The following DYM variants were observed in gnomAD, a reference collection of about 807,000 sequenced individuals.
The protein encoded by DYM is dymeclin.
Under a neutral mutation model 93.1 loss-of-function variants are expected in DYM, and 78 were observed. The ratio of observed to expected loss-of-function variants is 0.84; its 90% CI spans 0.70 to 1.01. The LOEUF (loss-of-function observed/expected upper bound fraction) is 1.01, where lower values mean the gene tolerates loss of function less well. Among genes scored for constraint, DYM ranks in the 50% least tolerant of loss-of-function variants. The pLI, the probability that DYM is intolerant of heterozygous loss-of-function variation, is 0.00. For synonymous variants in DYM, 321 were observed against 319.7 expected (o/e 1.00, Z -0.04); for missense variants, 789 against 845.0 (o/e 0.93, Z 0.82).
At chr18:49,222,234 AT>A (rs2144109436) in intron 13 of DYM, among the ~76,000 whole-genome samples, 1 of 152,198 alleles carries the variant, frequency 6.6e-6, no homozygotes, top group Admixed American at 6.5e-5. Context: ...GCAAATCAGA[AT>A]TTCTGTTAAA....
rs183361336 is a variant in DYM, at chr18:49,411,980, G to A, written c.140+18275C>T. On this transcript the variant is annotated intron_variant, in intron 2 of 17. Transcript: ENST00000675505. ...CAATTCAGTGGTTAAACTGTGGGAA[G>A]GTTAATGTTTTAAGAGGACCTATTA... 2.8e-4 allele frequency: 42 copies of A among 152,132 alleles called. No individual in the cohort carries two copies. In the East Asian group the frequency reaches 7.3e-3, roughly 27 times the overall value. The allele number at this position is 152,132 out of a possible 1,614,324, so 9.4% of individuals were successfully genotyped here. A position where few individuals can be genotyped will look rare whatever the true frequency, so the allele number is the denominator to read the frequency against.
chr18:49,212,956 G>T (rs1284981013), intron 13 of DYM, among the ~76,000 whole-genome samples: 1 of 152,162 alleles, frequency 6.6e-6, no homozygotes, highest in Non-Finnish European at 1.5e-5. Context: ...ATCATGGGAA[G>T]GAGGCAAATG....
chr18:49,172,453 CT>C (rs1356004287), intron 14 of DYM, among the ~76,000 whole-genome samples: 1 of 152,178 alleles, frequency 6.6e-6, no homozygotes, highest in African/African-American at 2.4e-5. Context: ...GCATTTCAGT[CT>C]TTTTCACTTT....
intron 2 of DYM, among the ~76,000 whole-genome samples, chr18:49,414,722 C>G (rs1439314263): frequency 6.6e-6 from 1 of 152,200 alleles, no homozygotes; most frequent in Non-Finnish European, 1.5e-5. Context: ...GCTGCTTTCC[C>G]AGAGACTCTC....
At chr18:49,085,255 C>T (rs889774838) in intron 17 of DYM, among the ~76,000 whole-genome samples, 1 of 152,082 alleles carries the variant, frequency 6.6e-6, no homozygotes, top group Non-Finnish European at 1.5e-5. Context: ...AATACCAAAC[C>T]CATCTCAAGT....
Position 49,039,844 on chromosome 18 carries a change from G to A in DYM, c.*4211C>T, listed in dbSNP as rs1205887474. Among the ~76,000 whole-genome samples the A allele has an allele frequency of 6.6e-6, 1 of 152,134 alleles. No individual in the cohort carries two copies. Among genetic ancestry groups the A allele is most frequent in the Non-Finnish European group, 1.5e-5 (1 of 68,022 alleles). The stretch of plus-strand genomic sequence containing the variant: ...TTTAAATTCTGCGACAACTTTATCT[G>A]GAGTCTGTTTGGATATTTCTATTGT... On this transcript the variant is annotated 3_prime_UTR_variant, in exon 18 of 18. Transcript: ENST00000675505.
chr18:49,308,284 G>C (rs2061386203), intron 8 of DYM, among the ~76,000 whole-genome samples: 1 of 84,128 alleles, frequency 1.2e-5, no homozygotes, highest in African/African-American at 3.5e-5. Flanking sequence ...ATACACACTT[G>C]TGTGTGTATA....
intron 14 of DYM, among the ~76,000 whole-genome samples, chr18:49,170,223 T>C (rs2088486847): frequency 6.6e-6 from 1 of 152,112 alleles, no homozygotes; most frequent in African/African-American, 2.4e-5. Flanking sequence ...AGAGAGTAAT[T>C]TGCCCAGGCA....
chr18:49,238,496 T>G (rs1411203277), intron 13 of DYM, among the ~76,000 whole-genome samples: 4 of 151,926 alleles, frequency 2.6e-5, no homozygotes, highest in Non-Finnish European at 5.9e-5. Context: ...AGAAAGTTAA[T>G]AGCCAGGATT....
intron 8 of DYM, among the ~76,000 whole-genome samples, chr18:49,312,400 T>C (rs1285944575): frequency 1.3e-5 from 2 of 152,216 alleles, no homozygotes; most frequent in African/African-American, 2.4e-5. Flanking sequence ...ATTGGTTTTC[T>C]ACACTGTCGT....
At chr18:49,392,496 T>A (rs1176935041) in intron 2 of DYM, among the ~76,000 whole-genome samples, 1 of 151,128 alleles carries the variant, frequency 6.6e-6, no homozygotes, top group Non-Finnish European at 1.5e-5. Context: ...CTCCTACAAC[T>A]CAACAACAAC....
intron 13 of DYM, among the ~76,000 whole-genome samples, chr18:49,212,562 A>G (rs2092830839): frequency 6.6e-6 from 1 of 152,098 alleles, no homozygotes; most frequent in Non-Finnish European, 1.5e-5. Flanking sequence ...CAGTGCCACA[A>G]TCATAGCTCA....
At chr18:49,448,900 A>G (rs2065899312) in intron 1 of DYM, among the ~76,000 whole-genome samples, 1 of 152,200 alleles carries the variant, frequency 6.6e-6, no homozygotes, top group Admixed American at 6.5e-5. Context: ...TAGCAATCAT[A>G]TTGAGCAGGC....
At chr18:49,216,260 G>T (rs962301479) in intron 13 of DYM, among the ~76,000 whole-genome samples, 36 of 152,206 alleles carry the variant, frequency 2.4e-4, no homozygotes, top group Non-Finnish European at 4.1e-4. Flanking sequence ...AGCTCGAACT[G>T]GGTAGAGCCC....
chr18:49,283,389 C>G (rs113814034), intron 9 of DYM, among the ~76,000 whole-genome samples: 1,786 of 151,994 alleles, frequency 0.012, 31 homozygotes, highest in African/African-American at 0.041. Flanking sequence ...AATATAATCT[C>G]CAATGCAAAC....
At chr18:49,296,482 C>G (rs957147065) in intron 8 of DYM, among the ~76,000 whole-genome samples, 1 of 152,080 alleles carries the variant, frequency 6.6e-6, no homozygotes, top group Non-Finnish European at 1.5e-5. Flanking sequence ...GACACTAATG[C>G]CCTACCCACG....
chr18:49,098,868 T>C (rs1443720333), intron 16 of DYM, among the ~76,000 whole-genome samples: 1 of 152,184 alleles, frequency 6.6e-6, no homozygotes, highest in Non-Finnish European at 1.5e-5. Flanking sequence ...GCAAAACATA[T>C]TGTAATAGAT....
chr18:49,128,267 C>T (rs2083023552), intron 15 of DYM, among the ~76,000 whole-genome samples: 1 of 152,242 alleles, frequency 6.6e-6, no homozygotes, highest in African/African-American at 2.4e-5. Flanking sequence ...CACCCTTCCT[C>T]AGGCCCACTG....
At chr18:49,399,928 A>C (rs200352947) in intron 2 of DYM, among the ~76,000 whole-genome samples, 8,254 of 94,200 alleles carry the variant, frequency 0.088, 363 homozygotes, top group East Asian at 0.13. Flanking sequence ...ATTTATTTTT[A>C]TTTTTCTTTT....
Sources: gnomAD v4.1 joint callset for allele counts (sites outside exome capture counted in the v4.1 genomes callset) on GRCh38, gnomAD v4.1.1 for gene constraint, MANE v1.5 for transcripts, NCBI Gene and HGNC (gene_info 2026-07-23, HGNC 2026-07-21) for gene names.